Variants in FLAD1 observed in about 807,000 individuals in gnomAD.
The protein encoded by FLAD1 is bifunctional FAD diphosphatase/FAD synthase.
FLAD1 carries 35 observed loss-of-function variants against 55.0 expected under a neutral mutation model. The ratio of observed to expected loss-of-function variants is 0.64; its 90% CI spans 0.49 to 0.84. FLAD1 has a LOEUF of 0.84. Among genes scored for constraint, FLAD1 ranks in the 40% least tolerant of loss-of-function variants. FLAD1 has a pLI of 0.00. For synonymous variants in FLAD1, 267 were observed against 303.0 expected, an observed-to-expected ratio of 0.88 and a Z score of 1.23; for missense variants, 665 against 742.6, an observed-to-expected ratio of 0.90 and a Z score of 1.21.
intron 5 of FLAD1, chr1:154,992,451 A>G (rs112451185): frequency 2.1e-6 from 2 of 942,286 alleles, no homozygotes; most frequent in Non-Finnish European, 3.1e-6. Flanking sequence ...TCAAAAAAAA[A>G]ATAGACGGTT....
chr1:154,989,616 G>T lies in FLAD1; in HGVS notation c.1174G>T (p.Ala392Ser), dbSNP rs759840345. 30 of 1,603,610 alleles carry T rather than the reference G, an allele frequency of 1.9e-5. No individual in the cohort carries two copies. The Admixed American group carries it at 5.1e-4, about 27-fold the overall frequency. ...CCTACAGACCATTGAGACCTCCCTG[G>T]CTCAGTACAGCCTCACCCAGCTCTG... ...GALQTIETSL[A>S]QYSLTQLCVG... Residue 392 changes from alanine to serine, a missense_variant, in exon 3 of 7, where the codon GCT (alanine) becomes TCT (serine). Ala to Ser is a moderately conservative substitution (Grantham distance 99). Transcript: ENST00000292180.
chr1:154,991,778 G>C (rs1174238195), intron 5 of FLAD1, among the ~76,000 whole-genome samples: 1 of 151,878 alleles, frequency 6.6e-6, no homozygotes, highest in Non-Finnish European at 1.5e-5. Context: ...CTTGAGCCAG[G>C]GAAGTCGAGG....
In FLAD1 at chr1:154,992,763, A is replaced by T. The variant is rs754289726; in HGVS notation, c.1605A>T (p.Pro535=). ...ATTTTCTGCGTCAGCTGTTTGTCCC[A>T]TACTGTATCCTGTATGACCGAGGGT... ...IWDFLRQLFV[P]YCILYDRGYT... Residue 535 remains proline (P), a synonymous_variant, in exon 6 of 7, where the codon CCA becomes CCT. Coordinates refer to ENST00000292180, the MANE Select transcript of FLAD1 (RefSeq NM_025207.5). The T allele has an allele frequency of 6.2e-6, 10 of 1,614,034 alleles. No homozygotes were observed. Among genetic ancestry groups the T allele is most frequent in the African/African-American group, 1.3e-5 (1 of 74,902 alleles).
intron 2 of FLAD1, 121 bp from the exon 3 acceptor site, chr1:154,989,439 G>A (rs188363426): frequency 9.3e-7 from 1 of 1,073,624 alleles, no homozygotes; most frequent in African/African-American, 1.6e-5. Flanking sequence ...GAAGGAGTTT[G>A]GACTTTATCC....
intron 1 of FLAD1, among the ~76,000 whole-genome samples, chr1:154,987,009 C>T (rs1657643541): frequency 6.6e-6 from 1 of 151,216 alleles, no homozygotes; most frequent in Non-Finnish European, 1.5e-5. Context: ...GCCTGATGCT[C>T]CCTTACTCCA....
rs1229844836 is a variant in FLAD1, at chr1:154,988,464, T to C, written c.732T>C (p.Pro244=). The C allele has an allele frequency of 6.2e-7, 1 of 1,614,226 alleles. No individual in the cohort carries two copies. The highest frequency in any genetic ancestry group is 1.7e-5 in the Admixed American group (1 of 60,028). The change falls in exon 2 of 7, where the codon CCT becomes CCC. Residue 244 remains proline, a synonymous_variant. Transcript: ENST00000292180. ...GCACTGGTCAACCTTTCAGATTCCC[T>C]CTGGTCTCCGTCCGAAACGTCTACC... The part of the protein sequence containing the change: ...DPCTGQPFRF[P]LVSVRNVYLF...
At position 154,983,952 on chromosome 1, in the gene FLAD1, G is replaced by A; in HGVS notation, c.258G>A (p.Trp86Ter). ...TATTTGGGGGTCTGGGTGGCTACTG[G>A]AGGGCCTTGCAGAGGGGCAGAGAAG... ...RPLFGGLGGY[W>*]RALQRGREGR... The change falls in exon 1 of 7, where the codon TGG becomes TGA. Residue 86 changes from tryptophan to a stop codon, truncating the protein, a stop_gained. Coordinates refer to ENST00000292180, the MANE Select transcript of FLAD1 (RefSeq NM_025207.5). LOFTEE classifies it high-confidence loss of function. 6.3e-7 allele frequency: 1 copy of A among 1,596,900 alleles called. No individual in the cohort carries two copies. The highest frequency in any genetic ancestry group is 8.5e-7 in the Non-Finnish European group (1 of 1,170,350).
Position 154,988,788 on chromosome 1 carries a change from C to A in FLAD1, c.1056C>A (p.Val352=). 1.2e-6 allele frequency: 2 copies of A among 1,614,200 alleles called. No homozygotes were observed. Among genetic ancestry groups the A allele is most frequent in the Non-Finnish European group, 1.7e-6 (2 of 1,180,030 alleles). ...LTARLPQGSL[V]PYMPNAVEQA... ...CCCGTTTGCCCCAGGGATCGCTGGT[C>A]CCCTACATGCCCAACGCTGTGGAGC... Residue 352 remains valine, a synonymous_variant, in exon 2 of 7, where the codon GTC becomes GTA. Coordinates refer to ENST00000292180, the MANE Select transcript of FLAD1 (RefSeq NM_025207.5).
At chr1:154,987,793 CT>C in intron 1 of FLAD1, 1 of 558,060 alleles carries the variant, frequency 1.8e-6, no homozygotes, top group East Asian at 3.2e-5. Flanking sequence ...TTAAAATGAG[CT>C]GAATGTGGTG....
intron 3 of FLAD1, 109 bp downstream of exon 3, chr1:154,989,816 A>G: frequency 8.2e-7 from 1 of 1,218,898 alleles, no homozygotes; most frequent in African/African-American, 1.5e-5. Context: ...GGAGATAGTC[A>G]TGGTGACCTC....
In FLAD1 at chr1:154,983,635, T is replaced by C. The variant is rs1657424863; in HGVS notation, c.-60T>C. The C allele has an allele frequency of 6.6e-7, 1 of 1,524,688 alleles. No homozygotes were observed. Among genetic ancestry groups the C allele is most frequent in the Non-Finnish European group, 8.8e-7 (1 of 1,132,386 alleles). 94.4% of individuals were successfully genotyped at this position (1,524,688 alleles called of 1,614,324 possible). ...AGCAAACGGAAGACACTTAAAGTGG[T>C]AGGTTCTCAAGAGAGAAGAAGTTTT... On this transcript the variant is annotated 5_prime_UTR_variant, in exon 1 of 7. It removes the in-frame stop codon of an upstream open reading frame in the 5' UTR. Coordinates refer to ENST00000292180, the MANE Select transcript of FLAD1 (RefSeq NM_025207.5).
At chr1:154,987,056 G>A (rs571218528) in intron 1 of FLAD1, among the ~76,000 whole-genome samples, 12 of 150,302 alleles carry the variant, frequency 8.0e-5, no homozygotes, top group Admixed American at 1.3e-4. Flanking sequence ...TTTGGTGACA[G>A]GGTCCCTGTC....
At position 154,988,803 on chromosome 1, in the gene FLAD1, C is replaced by A. The variant is rs371405282; in HGVS notation, c.1071C>A (p.Asn357Lys). ...PQGSLVPYMP[N>K]AVEQASEAVY... ...GATCGCTGGTCCCCTACATGCCCAA[C>A]GCTGTGGAGCAGGCCAGTGAGGCTG... The change falls in exon 2 of 7, where the codon AAC becomes AAA. Residue 357 changes from asparagine to lysine, a missense_variant. Physicochemically the swap from Asn to Lys is moderately conservative, Grantham distance 94. Transcript: ENST00000292180. 2 of 1,614,206 alleles carry A rather than the reference C, an allele frequency of 1.2e-6. No homozygotes were observed. The highest frequency in any genetic ancestry group is 2.7e-5 in the African/African-American group (2 of 75,048).
chr1:154,990,092 G>A (rs1406006341), intron 3 of FLAD1, 67 bp from the exon 4 acceptor site: 2 of 1,272,352 alleles, frequency 1.6e-6, no homozygotes, highest in African/African-American at 2.9e-5. Flanking sequence ...CGAGAACAGT[G>A]AGCTGTTTCA....
intron 1 of FLAD1, 88 bp downstream of exon 1, chr1:154,984,154 A>G (rs1657458206): frequency 8.1e-7 from 1 of 1,234,364 alleles, no homozygotes; most frequent in East Asian, 2.7e-5. Flanking sequence ...AGGAGGTGAA[A>G]CAGGGTGGGA....
intron 1 of FLAD1, 23 bp downstream of exon 1, chr1:154,984,089 G>A (rs749305716): frequency 6.8e-7 from 1 of 1,480,818 alleles, no homozygotes; most frequent in Middle Eastern, 2.1e-4. Context: ...CAGAAAAGGG[G>A]GGAGGGCGCT....
At position 154,983,641 on chromosome 1, in the gene FLAD1, C is replaced by A; in HGVS notation, c.-54C>A. ...CGGAAGACACTTAAAGTGGTAGGTT[C>A]TCAAGAGAGAAGAAGTTTTTAAGAC... On this transcript the variant is annotated 5_prime_UTR_variant, in exon 1 of 7. Transcript: ENST00000292180. 6.5e-7 allele frequency: 1 copy of A among 1,548,044 alleles called. No homozygotes were observed. The highest frequency in any genetic ancestry group is 8.7e-7 in the Non-Finnish European group (1 of 1,146,996).
At position 154,984,326 on chromosome 1, in the gene FLAD1, A is replaced by G. The variant is rs769834750; in HGVS notation, c.372+260A>G. Among the ~76,000 whole-genome samples, 33 of 152,170 alleles carry G rather than the reference A, an allele frequency of 2.2e-4. 1 individual carries two copies. Among genetic ancestry groups the G allele is most frequent in the Non-Finnish European group, 2.9e-4 (20 of 68,020 alleles). ...AAAAGAAAAATAAAAAGGTCATTGC[A>G]ATTTACCAAGCAGTATGGTAGAGGG... On this transcript the variant is annotated intron_variant, in intron 1 of 6. Coordinates refer to ENST00000292180, the MANE Select transcript of FLAD1 (RefSeq NM_025207.5).
chr1:154,983,740 A>G lies in FLAD1; in HGVS notation c.46A>G (p.Arg16Gly). The G allele has an allele frequency of 6.2e-7, 1 of 1,614,050 alleles. No individual in the cohort carries two copies. The highest frequency in any genetic ancestry group is 8.5e-7 in the Non-Finnish European group (1 of 1,179,938). The part of the protein sequence containing the change: ...GTRLFQRQEQ[R>G]SRLSRIWLEK... Reference sequence around the variant, plus strand: ...ACGTTTATTCCAGAGGCAGGAACAAAGGAGTCGCTTGTCAAGGATCTGGTT... The same window carrying G: ...ACGTTTATTCCAGAGGCAGGAACAAGGGAGTCGCTTGTCAAGGATCTGGTT... Residue 16 changes from arginine to glycine, a missense_variant, in exon 1 of 7, where the codon AGG (arginine) becomes GGG (glycine). Physicochemically the swap from Arg to Gly is moderately radical, Grantham distance 125 (BLOSUM62 -2). Transcript: ENST00000292180.
Sources: gnomAD v4.1 joint callset for allele counts (sites outside exome capture counted in the v4.1 genomes callset) on GRCh38, gnomAD v4.1.1 for gene constraint, MANE v1.5 for transcripts, NCBI Gene and HGNC (gene_info 2026-07-23, HGNC 2026-07-21) for gene names.